Variants in CLASP1 observed in about 807,000 individuals in gnomAD.
CLASP1 encodes cytoplasmic linker associated protein 1.
Under a neutral mutation model 192.3 loss-of-function variants are expected in CLASP1, and 38 were observed. That is an observed-to-expected ratio of 0.20 (90% CI 0.15 to 0.26). The LOEUF (loss-of-function observed/expected upper bound fraction) is 0.26, where lower values mean the gene tolerates loss of function less well. Ranked by LOEUF, CLASP1 falls within the 10% of genes least tolerant of loss-of-function variation. The pLI, the probability that CLASP1 is intolerant of heterozygous loss-of-function variation, is 1.00. For missense variants in CLASP1, 1,433 were observed against 1,932.5 expected (o/e 0.74, Z 4.85); for synonymous variants, 691 against 712.8 (o/e 0.97, Z 0.49).
intron 21 of CLASP1, among the ~76,000 whole-genome samples, chr2:121,426,599 C>T (rs938231314): frequency 6.6e-6 from 1 of 151,900 alleles, no homozygotes; most frequent in African/African-American, 2.4e-5. Flanking sequence ...TTTACCTTTC[C>T]ACACATGAAT....
chr2:121,609,630 C>T (rs887879886), intron 1 of CLASP1, among the ~76,000 whole-genome samples: 9 of 152,158 alleles, frequency 5.9e-5, no homozygotes, highest in Non-Finnish European at 1.0e-4. Flanking sequence ...CCCTCCCAGC[C>T]ACCCAGTTTC....
At chr2:121,573,430 G>A (rs2105442453) in intron 2 of CLASP1, among the ~76,000 whole-genome samples, 1 of 152,292 alleles carries the variant, frequency 6.6e-6, no homozygotes, top group Non-Finnish European at 1.5e-5. Flanking sequence ...TAAGACAACT[G>A]TTAAATAACA....
chr2:121,467,792 T>C (rs2089943205), intron 9 of CLASP1, among the ~76,000 whole-genome samples: 1 of 152,254 alleles, frequency 6.6e-6, no homozygotes. Context: ...AGAAGCTCTT[T>C]AATTAGGTCC....
chr2:121,484,689 AG>A (rs1306346352), intron 8 of CLASP1, among the ~76,000 whole-genome samples: 2 of 152,192 alleles, frequency 1.3e-5, no homozygotes, highest in African/African-American at 4.8e-5. Flanking sequence ...GTGGGAGAAA[AG>A]GGGACAAGAA....
chr2:121,574,898 G>A (rs567764145), intron 2 of CLASP1, among the ~76,000 whole-genome samples: 61 of 151,496 alleles, frequency 4.0e-4, no homozygotes, highest in South Asian at 2.5e-3. Flanking sequence ...AGCCGAGATC[G>A]TGCCACTGCA....
chr2:121,501,838 T>C (rs2093764378), intron 8 of CLASP1, among the ~76,000 whole-genome samples: 1 of 152,206 alleles, frequency 6.6e-6, no homozygotes, highest in African/African-American at 2.4e-5. Flanking sequence ...TGAAGGCTTG[T>C]ACTAGGAAGA....
chr2:121,474,940 T>G (rs2091417483), intron 8 of CLASP1, among the ~76,000 whole-genome samples: 1 of 152,126 alleles, frequency 6.6e-6, no homozygotes, highest in South Asian at 2.1e-4. Context: ...AAAGTAATGT[T>G]AATAAGTGAG....
At chr2:121,370,517 G>A (rs2068416813) in intron 34 of CLASP1, among the ~76,000 whole-genome samples, 1 of 152,128 alleles carries the variant, frequency 6.6e-6, no homozygotes, top group South Asian at 2.1e-4. Flanking sequence ...TAGAGATGGG[G>A]TTTCACCATG....
chr2:121,495,386 C>A (rs1053479446), intron 8 of CLASP1, among the ~76,000 whole-genome samples: 1 of 151,856 alleles, frequency 6.6e-6, no homozygotes, highest in Non-Finnish European at 1.5e-5. Flanking sequence ...AATGGCTGGG[C>A]GCGGTGGCTC....
At chr2:121,512,507 C>T (rs1034072675) in intron 7 of CLASP1, among the ~76,000 whole-genome samples, 2 of 152,100 alleles carry the variant, frequency 1.3e-5, no homozygotes, top group African/African-American at 4.8e-5. Context: ...TATTCTATAC[C>T]TTTAGGGCCT....
intron 8 of CLASP1, among the ~76,000 whole-genome samples, chr2:121,486,337 A>G (rs72969345): frequency 0.039 from 5,866 of 152,298 alleles, 156 homozygotes; most frequent in East Asian, 0.14. Context: ...GGATGTGAAT[A>G]AAGTTTGCAA....
chr2:121,448,845 G>A (rs1559238137), intron 17 of CLASP1, 108 bp downstream of exon 17: 6 of 1,116,542 alleles, frequency 5.4e-6, no homozygotes, highest in East Asian at 2.6e-5. Flanking sequence ...GTAAGGGGGC[G>A]TTTTAACAAG....
At chr2:121,430,338 C>T (rs2081170613) in intron 19 of CLASP1, among the ~76,000 whole-genome samples, 161 bp from the exon 20 acceptor site, 2 of 152,288 alleles carry the variant, frequency 1.3e-5, no homozygotes, top group Admixed American at 1.3e-4. Flanking sequence ...GCCACGTCTC[C>T]CTGTGTGTGC....
intron 5 of CLASP1, among the ~76,000 whole-genome samples, chr2:121,526,382 A>G (rs1174659659): frequency 6.6e-6 from 1 of 152,220 alleles, no homozygotes; most frequent in African/African-American, 2.4e-5. Flanking sequence ...CATCTACCCT[A>G]CTGGGGCACA....
At chr2:121,346,912 G>A in intron 39 of CLASP1, 126 bp downstream of exon 40, 1 of 608,984 alleles carries the variant, frequency 1.6e-6, no homozygotes, top group Non-Finnish European at 2.9e-6. Flanking sequence ...TCCTCTTGGA[G>A]AAATAAGGCC....
chr2:121,615,196 C>T (rs1306918435), intron 1 of CLASP1, among the ~76,000 whole-genome samples: 6 of 151,074 alleles, frequency 4.0e-5, no homozygotes, highest in Non-Finnish European at 7.4e-5. Flanking sequence ...AAAAATTAGC[C>T]GGGCATAGGG....
intron 24 of CLASP1, 56 bp from the exon 26 acceptor site, chr2:121,407,771 G>C: frequency 1.2e-6 from 2 of 1,602,278 alleles, no homozygotes; most frequent in South Asian, 2.2e-5. Context: ...AAGGTGAAAT[G>C]ACTGTGAGTC....
At chr2:121,462,600 T>C (rs1339288309) in exon 10 of CLASP1, 1 of 1,598,752 alleles carries the variant, frequency 6.3e-7, no homozygotes. Flanking sequence ...GCTCCTTCTT[T>C]TGCAGCTGTA....
intron 38 of CLASP1, among the ~76,000 whole-genome samples, 183 bp downstream of exon 39, chr2:121,348,329 G>C (rs995177147): frequency 1.1e-4 from 17 of 152,326 alleles, no homozygotes; most frequent in Admixed American, 7.2e-4. Flanking sequence ...ATTCAGGAGA[G>C]GGGGTGAGCT....
Sources: allele counts gnomAD v4.1 joint callset (sites outside exome capture counted in the v4.1 genomes callset), GRCh38; gene constraint gnomAD v4.1.1; transcripts MANE v1.5; gene names NCBI Gene and HGNC (gene_info 2026-07-23, HGNC 2026-07-21).